CAPN9: variants seen among roughly 807,000 people sequenced by gnomAD.
CAPN9 encodes calpain-9.
In CAPN9, 81 loss-of-function variants were observed where a neutral mutation model predicts 92.8. The ratio of observed to expected loss-of-function variants is 0.87; its 90% CI spans 0.73 to 1.05. The LOEUF is 1.05. Ranked by LOEUF, CAPN9 falls within the 50% of genes least tolerant of loss-of-function variation. CAPN9 has a pLI of 0.00. For synonymous variants in CAPN9, 304 were observed against 328.0 expected (o/e 0.93, Z 0.79); for missense variants, 848 against 866.2 (o/e 0.98, Z 0.26).
chr1:230,799,288 T>C (rs567354347), intron 19 of CAPN9, among the ~76,000 whole-genome samples: 20 of 152,358 alleles, frequency 1.3e-4, no homozygotes, highest in South Asian at 4.1e-4. Flanking sequence ...TGCTCTGATT[T>C]CGATTAAGCA....
At chr1:230,769,750 C>T (rs1666268277) in intron 6 of CAPN9, among the ~76,000 whole-genome samples, 1 of 151,944 alleles carries the variant, frequency 6.6e-6, no homozygotes, top group African/African-American at 2.4e-5. Flanking sequence ...CCATCTCTAC[C>T]ACCCCTGAGA....
At chr1:230,766,893 A>G (rs1051449962) in intron 4 of CAPN9, among the ~76,000 whole-genome samples, 16 of 152,200 alleles carry the variant, frequency 1.1e-4, no homozygotes, top group African/African-American at 3.1e-4. Flanking sequence ...AGATCTGATG[A>G]GACTCATTCA....
intron 14 of CAPN9, among the ~76,000 whole-genome samples, chr1:230,790,945 C>T (rs1035889403): frequency 1.3e-5 from 2 of 152,142 alleles, no homozygotes; most frequent in African/African-American, 4.8e-5. Flanking sequence ...AGCAATACTC[C>T]GTTTCAGGGG....
intron 13 of CAPN9, 30 bp from the exon 14 acceptor site, chr1:230,790,102 T>C (rs929219814): frequency 3.8e-6 from 6 of 1,569,340 alleles, no homozygotes; most frequent in Non-Finnish European, 5.3e-6. Flanking sequence ...TGCCAAGGGC[T>C]ATAACAAACA....
rs759002700 is a variant in CAPN9, at chr1:230,771,994, C to T, written c.790-20C>T. On this transcript the variant is annotated intron_variant, in intron 6 of 19. Coordinates refer to ENST00000271971, the MANE Select transcript of CAPN9 (RefSeq NM_006615.3). ...ACCATATTTATCATTTCACACTTCC[C>T]TCATGCTTTTCCCTTCTAGGTAAGC... is the stretch of plus-strand genomic sequence containing the variant. 6.2e-6 allele frequency: 10 copies of T among 1,607,600 alleles called. No individual in the cohort carries two copies. In the East Asian group the frequency reaches 1.3e-4, roughly 22 times the overall value.
intron 19 of CAPN9, 93 bp downstream of exon 19, chr1:230,798,313 C>A: frequency 2.5e-6 from 2 of 788,892 alleles, no homozygotes; most frequent in Non-Finnish European, 2.2e-6. Flanking sequence ...TGATTTCATG[C>A]AAGGGCTGAC....
In CAPN9 at chr1:230,747,555, G is replaced by T; in HGVS notation, c.59G>T (p.Arg20Leu). 1 of 1,614,142 alleles carries T rather than the reference G, an allele frequency of 6.2e-7. No individual in the cohort carries two copies. The highest frequency in any genetic ancestry group is 8.5e-7 in the Non-Finnish European group (1 of 1,180,032). Residue 20 changes from arginine to leucine, a missense_variant, in exon 1 of 20, where the codon CGG (arginine) becomes CTG (leucine). By Grantham distance (102) the Arg-to-Leu change is moderately radical. Coordinates refer to ENST00000271971, the MANE Select transcript of CAPN9 (RefSeq NM_006615.3). ...PQAHPVPKDA[R>L]ITHSSGQSFE... ...GCACACCCGGTTCCCAAGGACGCCC[G>T]GATCACCCACTCCTCAGGCCAGAGC... is the stretch of plus-strand genomic sequence containing the variant.
intron 8 of CAPN9, among the ~76,000 whole-genome samples, chr1:230,777,572 A>G (rs1208803988): frequency 7.9e-5 from 12 of 151,644 alleles, no homozygotes; most frequent in Admixed American, 7.2e-4. Context: ...GCCTCTCTTG[A>G]CCCACTCAAG....
intron 1 of CAPN9, among the ~76,000 whole-genome samples, chr1:230,751,594 AAAGAAAG>A (rs1210743589): frequency 3.6e-5 from 1 of 27,748 alleles, no homozygotes. Flanking sequence ...ACAAAGAAAG[AAAGAAAG>A]AAAGAAAGAG....
chr1:230,771,956 TG>T, intron 6 of CAPN9, 57 bp from the exon 7 acceptor site: 1 of 1,416,382 alleles, frequency 7.1e-7, no homozygotes, highest in Non-Finnish European at 1.0e-6. Context: ...TAGATGAATG[TG>T]GCCAAACCTC....
At chr1:230,752,718 G>T (rs1664926415) in intron 1 of CAPN9, 2 of 984,950 alleles carry the variant, frequency 2.0e-6, no homozygotes, top group Admixed American at 6.1e-5. Flanking sequence ...TCCACTTGAG[G>T]AGTGAGTAGC....
At chr1:230,789,444 A>C (rs1667825100) in intron 13 of CAPN9, among the ~76,000 whole-genome samples, 1 of 143,550 alleles carries the variant, frequency 7.0e-6, no homozygotes, top group Non-Finnish European at 1.5e-5. Flanking sequence ...CTAATACTCC[A>C]ATCTGGATGA....
intron 2 of CAPN9, among the ~76,000 whole-genome samples, chr1:230,755,759 C>T (rs1470202658): frequency 3.3e-5 from 5 of 152,226 alleles, no homozygotes; most frequent in Non-Finnish European, 7.3e-5. Flanking sequence ...CACATTGCCT[C>T]ATTCCATCTT....
At position 230,771,935 on chromosome 1, in the gene CAPN9, C is replaced by T; in HGVS notation, c.790-79C>T. On this transcript the variant is annotated intron_variant, in intron 6 of 19. Coordinates refer to ENST00000271971, the MANE Select transcript of CAPN9 (RefSeq NM_006615.3). Reference sequence around the variant, plus strand: ...ACCAGTTCTGGATGGAGCTGGTCCACCTGGAGCTCATAGATGAATGTGGCC... The same window carrying T: ...ACCAGTTCTGGATGGAGCTGGTCCATCTGGAGCTCATAGATGAATGTGGCC... The T allele has an allele frequency of 3.4e-6, 4 of 1,161,880 alleles. No homozygotes were observed. The South Asian group carries it at 3.7e-5, about 11-fold the overall frequency. 72.0% of individuals were successfully genotyped at this position (1,161,880 alleles called of 1,614,324 possible).
intron 17 of CAPN9, 73 bp downstream of exon 17, chr1:230,793,001 C>T: frequency 2.7e-6 from 3 of 1,122,230 alleles, no homozygotes; most frequent in Middle Eastern, 2.0e-4. Flanking sequence ...GAGCAGATGG[C>T]AGGTCTTCTC....
intron 1 of CAPN9, among the ~76,000 whole-genome samples, chr1:230,748,872 A>C (rs1664592169): frequency 1.3e-5 from 2 of 152,196 alleles, no homozygotes. Context: ...GCAGGGCCAA[A>C]GTGAACCTAA....
chr1:230,755,476 TG>T, intron 2 of CAPN9, 70 bp downstream of exon 2: 1 of 1,269,926 alleles, frequency 7.9e-7, no homozygotes, highest in South Asian at 1.3e-5. Context: ...AACTGCAGCA[TG>T]GGGTCCCTGA....
intron 19 of CAPN9, 48 bp downstream of exon 19, chr1:230,798,268 C>A: frequency 1.6e-6 from 2 of 1,260,176 alleles, no homozygotes; most frequent in Non-Finnish European, 2.3e-6. Context: ...TGGGGCCCAG[C>A]AGAGTCCACG....
In CAPN9 at chr1:230,798,143, C is replaced by T. The variant is rs756689325; in HGVS notation, c.1988-19C>T. On this transcript the variant is annotated intron_variant, in intron 18 of 19. Transcript: ENST00000271971. ...GAATTGTCTTTAAAAGGATGCCTTT[C>T]CCCCTTCTCTCCTATCAGGGGTGTT... 1.3e-6 allele frequency: 2 copies of T among 1,570,612 alleles called. No individual in the cohort carries two copies. Among genetic ancestry groups the T allele is most frequent in the Non-Finnish European group, 8.8e-7 (1 of 1,140,628 alleles).
Sources: gnomAD v4.1 joint callset for allele counts (sites outside exome capture counted in the v4.1 genomes callset) on GRCh38, gnomAD v4.1.1 for gene constraint, MANE v1.5 for transcripts, NCBI Gene and HGNC (gene_info 2026-07-23, HGNC 2026-07-21) for gene names.